RNLS: variants seen among roughly 807,000 people sequenced by gnomAD.
RNLS encodes renalase.
Under a neutral mutation model 39.8 loss-of-function variants are expected in RNLS, and 39 were observed. The ratio of observed to expected loss-of-function variants is 0.98; its 90% CI spans 0.76 to 1.28. The LOEUF is 1.28. Among genes scored for constraint, RNLS ranks in the 50% most tolerant of loss-of-function variants. The pLI is 0.00. For synonymous variants in RNLS, 147 were observed against 150.7 expected (o/e 0.98, Z 0.18); for missense variants, 410 against 413.3 (o/e 0.99, Z 0.07).
the RNLS span, among the ~76,000 whole-genome samples, chr10:88,209,815 A>T: frequency 6.6e-6 from 1 of 152,222 alleles, no homozygotes; most frequent in Non-Finnish European, 1.5e-5. Context: ...GCCCACTCTG[A>T]CTAGCAATTT....
At chr10:88,295,528 G>A (rs1481772479) in intron 6 of RNLS, among the ~76,000 whole-genome samples, 1 of 152,068 alleles carries the variant, frequency 6.6e-6, no homozygotes, top group Non-Finnish European at 1.5e-5. Flanking sequence ...TTGTGCTTTA[G>A]GGAAAGACTT....
intron 5 of RNLS, among the ~76,000 whole-genome samples, chr10:88,331,526 C>T (rs1369530409): frequency 6.6e-6 from 1 of 152,190 alleles, no homozygotes; most frequent in Non-Finnish European, 1.5e-5. Flanking sequence ...AAATGAAACA[C>T]ATGCAAAGTA....
At chr10:88,449,796 T>C (rs1323195679) in intron 4 of RNLS, among the ~76,000 whole-genome samples, 4 of 152,136 alleles carry the variant, frequency 2.6e-5, no homozygotes, top group East Asian at 3.8e-4. Context: ...CAAAATATTA[T>C]AAAATAAAAT....
chr10:88,370,413 T>TC (rs1455230639), intron 4 of RNLS, among the ~76,000 whole-genome samples: 2 of 152,146 alleles, frequency 1.3e-5, no homozygotes, highest in Non-Finnish European at 2.9e-5. Flanking sequence ...GCCTTTAAGC[T>TC]CCCACCAGAA....
At chr10:88,394,423 G>A (rs1420402126) in intron 4 of RNLS, among the ~76,000 whole-genome samples, 2 of 152,142 alleles carry the variant, frequency 1.3e-5, no homozygotes, top group African/African-American at 4.8e-5. Flanking sequence ...CATTAATGCA[G>A]CCAAAAAACA....
the RNLS span, among the ~76,000 whole-genome samples, chr10:88,244,618 C>A: frequency 2.0e-5 from 3 of 152,002 alleles, no homozygotes; most frequent in African/African-American, 7.2e-5. Flanking sequence ...ATAAACCCTG[C>A]TGTATCATCT....
the RNLS span, among the ~76,000 whole-genome samples, chr10:88,221,151 C>T: frequency 6.6e-6 from 1 of 152,270 alleles, no homozygotes; most frequent in Non-Finnish European, 1.5e-5. Context: ...CCCACTTGTC[C>T]CTCGGGGCTC....
the RNLS span, among the ~76,000 whole-genome samples, chr10:88,262,031 G>A: frequency 5.6e-3 from 858 of 152,234 alleles, 3 homozygotes; most frequent in South Asian, 0.034. Flanking sequence ...AAGGCAAACC[G>A]GCTGGAGAAA....
the RNLS span, among the ~76,000 whole-genome samples, chr10:88,262,858 T>C: frequency 7.2e-4 from 110 of 152,296 alleles, no homozygotes; most frequent in African/African-American, 2.5e-3. Context: ...TTGTATTTGG[T>C]ACTTGATCAA....
At chr10:88,485,756 T>G (rs1418164972) in intron 4 of RNLS, among the ~76,000 whole-genome samples, 1 of 150,892 alleles carries the variant, frequency 6.6e-6, no homozygotes, top group African/African-American at 2.5e-5. Flanking sequence ...TAATTATAAC[T>G]GTGTGAGAAT....
At chr10:88,364,902 T>A (rs888889343) in intron 4 of RNLS, among the ~76,000 whole-genome samples, 1 of 152,240 alleles carries the variant, frequency 6.6e-6, no homozygotes, top group African/African-American at 2.4e-5. Context: ...TCCCATTTTT[T>A]AAATAAAAAA....
At chr10:88,190,365 T>G in the RNLS span, among the ~76,000 whole-genome samples, 1 of 152,168 alleles carries the variant, frequency 6.6e-6, no homozygotes, top group East Asian at 1.9e-4. Context: ...CACCCTGGCC[T>G]GACCCAGAGA....
intron 4 of RNLS, among the ~76,000 whole-genome samples, chr10:88,561,789 G>A (rs1003889526): frequency 4.6e-5 from 7 of 152,022 alleles, no homozygotes; most frequent in Non-Finnish European, 1.0e-4. Context: ...AATATATGTA[G>A]TACTATATTA....
At chr10:88,359,813 T>C (rs1475364358) in intron 5 of RNLS, among the ~76,000 whole-genome samples, 3 of 152,232 alleles carry the variant, frequency 2.0e-5, no homozygotes. Flanking sequence ...CTGTGGGTGC[T>C]TTTACCCACC....
chr10:88,203,223 AGTGTGTGT>A, the RNLS span, among the ~76,000 whole-genome samples: 2,610 of 11,164 alleles, frequency 0.23, 461 homozygotes, highest in Non-Finnish European at 0.31. Flanking sequence ...GATAGCAAAA[AGTGTGTGT>A]GTGTGTGTGT....
At chr10:88,399,954 C>T (rs1185194742) in intron 4 of RNLS, among the ~76,000 whole-genome samples, 1 of 152,124 alleles carries the variant, frequency 6.6e-6, no homozygotes, top group East Asian at 1.9e-4. Flanking sequence ...CTTCCAGCTT[C>T]CGGTGGCTGT....
the RNLS span, among the ~76,000 whole-genome samples, chr10:88,199,042 C>T: frequency 1.9e-4 from 29 of 152,240 alleles, no homozygotes; most frequent in East Asian, 2.3e-3. Context: ...AACAACACCT[C>T]GGAAAGGAGA....
At chr10:88,315,738 G>GTT (rs202128805) in intron 5 of RNLS, among the ~76,000 whole-genome samples, 48,524 of 133,266 alleles carry the variant, frequency 0.36, 10,052 homozygotes, top group East Asian at 0.51. Context: ...TACATTTCAG[G>GTT]TTTTTTTTTT....
At chr10:88,280,402 G>T (rs1023701514), downstream of RNLS, among the ~76,000 whole-genome samples, 2 of 152,134 alleles carry the variant, frequency 1.3e-5, no homozygotes, top group Non-Finnish European at 2.9e-5. Flanking sequence ...ACGTGGCATA[G>T]GATCAAGGAA....
Sources: gnomAD v4.1 joint callset for allele counts (sites outside exome capture counted in the v4.1 genomes callset) on GRCh38, gnomAD v4.1.1 for gene constraint, MANE v1.5 for transcripts, NCBI Gene and HGNC (gene_info 2026-07-23, HGNC 2026-07-21) for gene names.